BCKDHB: variants seen among roughly 807,000 people sequenced by gnomAD.
The protein encoded by BCKDHB is branched chain keto acid dehydrogenase E1 subunit beta.
Under a neutral mutation model 48.5 loss-of-function variants are expected in BCKDHB, and 41 were observed. The observed-to-expected ratio is 0.85, with a 90% confidence interval of 0.66 to 1.10. The LOEUF (loss-of-function observed/expected upper bound fraction) is 1.10, where lower values mean the gene tolerates loss of function less well. Among genes scored for constraint, BCKDHB ranks in the 50% least tolerant of loss-of-function variants. The probability of loss-of-function intolerance (pLI) is 0.00; values close to 1 mark genes in which losing one functional copy is unlikely to be tolerated. For synonymous variants in BCKDHB, 201 were observed against 174.8 expected (o/e 1.15, Z -1.18); for missense variants, 496 against 494.2 (o/e 1.00, Z -0.03).
At chr6:80,295,419 G>A (rs183758054) in intron 9 of BCKDHB, among the ~76,000 whole-genome samples, 9 of 151,946 alleles carry the variant, frequency 5.9e-5, no homozygotes, top group East Asian at 1.9e-4. Context: ...TTATAAAACC[G>A]TCAGATCTCA....
the BCKDHB span, among the ~76,000 whole-genome samples, chr6:80,398,938 G>A: frequency 6.6e-6 from 1 of 151,996 alleles, no homozygotes; most frequent in East Asian, 1.9e-4. Flanking sequence ...TGCATGGTTG[G>A]TTCAACATCC....
At chr6:80,401,703 AT>A in the BCKDHB span, among the ~76,000 whole-genome samples, 2 of 151,794 alleles carry the variant, frequency 1.3e-5, no homozygotes, top group South Asian at 4.1e-4. Context: ...TATAACTAAA[AT>A]TTTGTACCCT....
At chr6:80,228,904 A>G (rs1023305022) in intron 8 of BCKDHB, among the ~76,000 whole-genome samples, 4 of 152,098 alleles carry the variant, frequency 2.6e-5, no homozygotes, top group East Asian at 1.9e-4. Flanking sequence ...TGGACTTCCA[A>G]CCTTCCAGGG....
intron 3 of BCKDHB, among the ~76,000 whole-genome samples, chr6:80,139,108 G>T (rs1218926319): frequency 6.6e-6 from 1 of 152,202 alleles, no homozygotes; most frequent in Non-Finnish European, 1.5e-5. Context: ...CTTCTTCTGA[G>T]AAGTGTCTGT....
chr6:80,123,858 GA>G (rs1356006397), intron 1 of BCKDHB, among the ~76,000 whole-genome samples: 2 of 152,018 alleles, frequency 1.3e-5, no homozygotes, highest in African/African-American at 4.8e-5. Flanking sequence ...TGGATTCATT[GA>G]TTTTTTTGAA....
At chr6:80,413,892 G>T in the BCKDHB span, among the ~76,000 whole-genome samples, 2 of 152,138 alleles carry the variant, frequency 1.3e-5, no homozygotes, top group South Asian at 2.1e-4. Context: ...TTCCACAATG[G>T]TTGAACTAAT....
At chr6:80,390,472 C>G in the BCKDHB span, among the ~76,000 whole-genome samples, 1 of 152,212 alleles carries the variant, frequency 6.6e-6, no homozygotes, top group Admixed American at 6.5e-5. Context: ...TTTCCTCCTT[C>G]TTTTGTTAAA....
At chr6:80,291,913 C>T (rs776413415) in intron 9 of BCKDHB, among the ~76,000 whole-genome samples, 44 of 152,284 alleles carry the variant, frequency 2.9e-4, no homozygotes, top group Non-Finnish European at 4.0e-4. Flanking sequence ...TTATTTTTCA[C>T]ATAAGCTGTT....
At chr6:80,266,687 C>A (rs1325296791) in intron 8 of BCKDHB, among the ~76,000 whole-genome samples, 1 of 151,936 alleles carries the variant, frequency 6.6e-6, no homozygotes, top group Non-Finnish European at 1.5e-5. Flanking sequence ...CCAGGGCAGT[C>A]CTCTATTACA....
At chr6:80,129,100 CATT>C in intron 2 of BCKDHB, 58 bp from the exon 3 acceptor site, 2 of 1,196,538 alleles carry the variant, frequency 1.7e-6, no homozygotes, top group South Asian at 2.7e-5. Flanking sequence ...ACTTATTTCT[CATT>C]GTTAGTATTA....
At chr6:80,432,576 G>A in the BCKDHB span, among the ~76,000 whole-genome samples, 1 of 151,992 alleles carries the variant, frequency 6.6e-6, no homozygotes, top group Non-Finnish European at 1.5e-5. Flanking sequence ...TTAGCAATTG[G>A]TCTAACCTTT....
intron 8 of BCKDHB, among the ~76,000 whole-genome samples, chr6:80,236,770 A>G (rs1776164299): frequency 6.6e-6 from 1 of 152,204 alleles, no homozygotes; most frequent in African/African-American, 2.4e-5. Flanking sequence ...TGTTATGTGT[A>G]TGTATGTAAG....
At chr6:80,189,010 G>T (rs1009558656) in intron 6 of BCKDHB, among the ~76,000 whole-genome samples, 32 of 152,262 alleles carry the variant, frequency 2.1e-4, no homozygotes, top group African/African-American at 7.5e-4. Context: ...ATATTTGGGA[G>T]TGTATTTTAT....
At chr6:80,309,424 TGTA>T (rs1768044320) in intron 9 of BCKDHB, among the ~76,000 whole-genome samples, 2 of 152,204 alleles carry the variant, frequency 1.3e-5, no homozygotes, top group Non-Finnish European at 2.9e-5. Context: ...GTGCATTCTG[TGTA>T]CTTTTTCTGT....
At chr6:80,113,315 G>A (rs1030756473) in intron 1 of BCKDHB, among the ~76,000 whole-genome samples, 1 of 152,322 alleles carries the variant, frequency 6.6e-6, no homozygotes, top group East Asian at 1.9e-4. Context: ...CTGGAAAGTG[G>A]CCCTGGCCAG....
chr6:80,190,792 C>G (rs747562438), intron 6 of BCKDHB, among the ~76,000 whole-genome samples: 7 of 152,120 alleles, frequency 4.6e-5, no homozygotes, highest in Non-Finnish European at 1.0e-4. Context: ...AGCAAGTAAA[C>G]TGTATTTTCC....
chr6:80,318,609 C>T (rs996903681), intron 9 of BCKDHB, among the ~76,000 whole-genome samples: 13 of 151,064 alleles, frequency 8.6e-5, no homozygotes, highest in African/African-American at 1.2e-4. Flanking sequence ...TGCTTGAACC[C>T]GGGAGGTGGA....
rs914251321 is a variant in BCKDHB, at chr6:80,224,583, A to T, written c.951+21371A>T. 4.2e-4 allele frequency among the ~76,000 whole-genome samples: 64 copies of T among 152,208 alleles called. 1 individual carries two copies. The highest frequency in any genetic ancestry group is 1.4e-3 in the African/African-American group (59 of 41,508). On this transcript the variant is annotated intron_variant, in intron 8 of 9. Transcript: ENST00000320393. Reference sequence around the variant, plus strand: ...AATTTTGTATTTTTCTTTTGTAGAGACGGGCTTTCGCCATGTTGCCTAGGC... The same window carrying T: ...AATTTTGTATTTTTCTTTTGTAGAGTCGGGCTTTCGCCATGTTGCCTAGGC...
intron 3 of BCKDHB, among the ~76,000 whole-genome samples, chr6:80,142,789 A>G (rs544992295): frequency 6.6e-6 from 1 of 152,262 alleles, no homozygotes; most frequent in South Asian, 2.1e-4. Context: ...AACCACATGC[A>G]GTGAAGGAAT....
Sources: allele counts gnomAD v4.1 joint callset (sites outside exome capture counted in the v4.1 genomes callset), GRCh38; gene constraint gnomAD v4.1.1; transcripts MANE v1.5; gene names NCBI Gene and HGNC (gene_info 2026-07-23, HGNC 2026-07-21).